The following KSR2 variants were observed in gnomAD, a reference collection of about 807,000 sequenced individuals.
KSR2 encodes the protein kinase suppressor of ras 2.
Under a neutral mutation model 107.8 loss-of-function variants are expected in KSR2, and 25 were observed. The observed-to-expected ratio is 0.23, with a 90% confidence interval of 0.17 to 0.32. The LOEUF is 0.32. Ranked by LOEUF, KSR2 falls within the 10% of genes least tolerant of loss-of-function variation. KSR2 has a pLI of 1.00. For synonymous variants in KSR2, 480 were observed against 507.0 expected (o/e 0.95, Z 0.71); for missense variants, 887 against 1,268.9 (o/e 0.70, Z 4.57).
chr12:117,785,414 CAAAAAAAAAAAA>C (rs374881532), intron 3 of KSR2, among the ~76,000 whole-genome samples: 11,700 of 37,518 alleles, frequency 0.31, 909 homozygotes, highest in Middle Eastern at 0.47. Context: ...GACTCCATCT[CAAAAAAAAAAAA>C]AAAAAAAAAA....
intron 17 of KSR2, among the ~76,000 whole-genome samples, chr12:117,476,226 T>C (rs1333875149): frequency 2.6e-5 from 4 of 152,232 alleles, no homozygotes; most frequent in Non-Finnish European, 5.9e-5. Context: ...ATTGAATAAG[T>C]AAATGAGTTG....
chr12:117,811,238 T>C (rs6490156), intron 3 of KSR2, among the ~76,000 whole-genome samples: 97,051 of 152,096 alleles, frequency 0.64, 33,048 homozygotes, highest in African/African-American at 0.88. Context: ...CTCTGCCCCG[T>C]AGAGCCCTTC....
intron 5 of KSR2, among the ~76,000 whole-genome samples, chr12:117,633,452 A>T (rs1449891606): frequency 6.6e-6 from 1 of 152,216 alleles, no homozygotes; most frequent in Non-Finnish European, 1.5e-5. Context: ...CTATAACAGA[A>T]AATCACAAAC....
In KSR2 at chr12:117,657,220, G is replaced by A. The variant is rs187762428; in HGVS notation, c.1171+10254C>T. On this transcript the variant is annotated intron_variant, in intron 5 of 19. Transcript: ENST00000339824. ...CAGATCTAAACAATCTTACTCTGCC[G>A]CTATGGACTAGAATAGGGGAGACTG... Among the ~76,000 whole-genome samples, 110 of 151,716 alleles carry A rather than the reference G, an allele frequency of 7.3e-4. 1 individual carries two copies. The highest frequency in any genetic ancestry group is 2.5e-3 in the African/African-American group (105 of 41,336).
In KSR2 at chr12:117,784,084, C is replaced by G. The variant is rs111277802; in HGVS notation, c.473-22560G>C. ...TGTTACGGATTCATGGGTACATGTG[C>G]AGGTTTGTTACAGGGGTATATTGTG... On this transcript the variant is annotated intron_variant, in intron 3 of 19. Coordinates refer to ENST00000339824, the MANE Select transcript of KSR2 (RefSeq NM_173598.6). Among the ~76,000 whole-genome samples the G allele has an allele frequency of 1.4e-3, 211 of 152,132 alleles. 1 individual carries two copies. The highest frequency in any genetic ancestry group is 4.8e-3 in the African/African-American group (198 of 41,494).
At chr12:117,651,460 A>G (rs1054985969) in intron 5 of KSR2, among the ~76,000 whole-genome samples, 1 of 152,144 alleles carries the variant, frequency 6.6e-6, no homozygotes, top group Admixed American at 6.5e-5. Flanking sequence ...CAGGCATGGG[A>G]ATGGATATTA....
chr12:117,851,495 G>T, intron 3 of KSR2, among the ~76,000 whole-genome samples: 1 of 152,050 alleles, frequency 6.6e-6, no homozygotes, highest in East Asian at 1.9e-4. Flanking sequence ...AGGTGGGACA[G>T]TTGCTTGAGC....
intron 14 of KSR2, among the ~76,000 whole-genome samples, chr12:117,517,156 C>A (rs1311423047): frequency 6.6e-6 from 1 of 152,180 alleles, no homozygotes; most frequent in African/African-American, 2.4e-5. Context: ...AGCCACCTAC[C>A]ATCCAAAAAC....
At chr12:117,832,031 TC>T (rs1388943054) in intron 3 of KSR2, among the ~76,000 whole-genome samples, 1 of 152,198 alleles carries the variant, frequency 6.6e-6, no homozygotes, top group African/African-American at 2.4e-5. Flanking sequence ...ATGCCTGTAA[TC>T]CCAGCATTTT....
chr12:117,928,258 C>A (rs1013216681), intron 1 of KSR2, among the ~76,000 whole-genome samples: 3 of 151,352 alleles, frequency 2.0e-5, no homozygotes, highest in African/African-American at 2.4e-5. Context: ...CAGCTCACTG[C>A]AACCTCTGCT....
intron 3 of KSR2, among the ~76,000 whole-genome samples, chr12:117,793,404 C>A (rs1593242234): frequency 6.7e-6 from 1 of 149,660 alleles, no homozygotes; most frequent in East Asian, 2.1e-4. Flanking sequence ...TACCAACATG[C>A]ACACATACAC....
intron 5 of KSR2, among the ~76,000 whole-genome samples, chr12:117,601,464 GCACAGGGGAAAATGGA>G (rs1274703905): frequency 2.0e-5 from 3 of 151,954 alleles, no homozygotes; most frequent in Non-Finnish European, 4.4e-5. Flanking sequence ...AGACTTCTCA[GCACAGGGGAAAATGGA>G]CACAGAGACC....
chr12:117,831,005 G>A (rs1234772991), intron 3 of KSR2, among the ~76,000 whole-genome samples: 2 of 152,124 alleles, frequency 1.3e-5, no homozygotes, highest in Non-Finnish European at 2.9e-5. Flanking sequence ...GATGTGACAT[G>A]TCCCCAGATC....
At chr12:117,725,931 C>A (rs1887407898) in intron 4 of KSR2, among the ~76,000 whole-genome samples, 1 of 151,838 alleles carries the variant, frequency 6.6e-6, no homozygotes. Flanking sequence ...CTTTGGGAGG[C>A]TGAAGCAGGC....
intron 1 of KSR2, among the ~76,000 whole-genome samples, chr12:117,929,528 T>C (rs1895639063): frequency 6.6e-6 from 1 of 152,220 alleles, no homozygotes; most frequent in African/African-American, 2.4e-5. Flanking sequence ...TTGCCCAGTC[T>C]TGGGTATGTC....
At chr12:117,883,903 G>A (rs537600928) in intron 1 of KSR2, among the ~76,000 whole-genome samples, 202 of 150,410 alleles carry the variant, frequency 1.3e-3, no homozygotes, top group African/African-American at 4.7e-3. Flanking sequence ...AAGGAAATGA[G>A]GTCAAAGAAG....
chr12:117,578,543 A>C (rs569000986), intron 7 of KSR2, among the ~76,000 whole-genome samples: 119 of 148,216 alleles, frequency 8.0e-4, no homozygotes, highest in Non-Finnish European at 1.4e-3. Flanking sequence ...TGGAGGTTGC[A>C]GTGAGCCAAG....
intron 1 of KSR2, among the ~76,000 whole-genome samples, chr12:117,878,336 C>A (rs1336124810): frequency 6.6e-6 from 1 of 152,220 alleles, no homozygotes; most frequent in Admixed American, 6.5e-5. Context: ...ATAACACACA[C>A]ACTACCTGCC....
chr12:117,902,546 A>AC (rs1164406613), intron 1 of KSR2, among the ~76,000 whole-genome samples: 1 of 151,276 alleles, frequency 6.6e-6, no homozygotes, highest in South Asian at 2.1e-4. Flanking sequence ...GTAAAAGGGA[A>AC]CCACCTTCAG....
Sources: gnomAD v4.1 joint callset for allele counts (sites outside exome capture counted in the v4.1 genomes callset) on GRCh38, gnomAD v4.1.1 for gene constraint, MANE v1.5 for transcripts, NCBI Gene and HGNC (gene_info 2026-07-23, HGNC 2026-07-21) for gene names.